Variants in TMTC1 observed in about 807,000 individuals in gnomAD.
TMTC1 encodes the protein transmembrane O-mannosyltransferase targeting cadherins 1, also known as protein O-mannosyl-transferase TMTC1.
In TMTC1, 73 loss-of-function variants were observed where a neutral mutation model predicts 104.8. That is an observed-to-expected ratio of 0.70 (90% CI 0.58 to 0.85). TMTC1 has a LOEUF of 0.85. Among genes scored for constraint, TMTC1 ranks in the 40% least tolerant of loss-of-function variants. The pLI, the probability that TMTC1 is intolerant of heterozygous loss-of-function variation, is 0.00. For missense variants in TMTC1, 1,035 were observed against 1,096.1 expected (o/e 0.94, Z 0.79); for synonymous variants, 434 against 428.7 (o/e 1.01, Z -0.15).
At chr12:29,586,564 C>T (rs1343037922) in intron 7 of TMTC1, among the ~76,000 whole-genome samples, 4 of 151,944 alleles carry the variant, frequency 2.6e-5, no homozygotes, top group Non-Finnish European at 5.9e-5. Flanking sequence ...ATGATATTGG[C>T]GTGGGTTTGT....
intron 5 of TMTC1, among the ~76,000 whole-genome samples, chr12:29,644,951 C>T (rs1477565973): frequency 6.6e-6 from 1 of 152,178 alleles, no homozygotes; most frequent in Non-Finnish European, 1.5e-5. Flanking sequence ...TCATCCCTCC[C>T]CAGGCCAGGT....
chr12:29,735,393 G>C (rs748333870), intron 5 of TMTC1, among the ~76,000 whole-genome samples: 2 of 152,164 alleles, frequency 1.3e-5, no homozygotes, highest in Non-Finnish European at 2.9e-5. Flanking sequence ...ATGCAGATAA[G>C]AATGGCACCA....
chr12:29,604,286 T>A lies in TMTC1; in HGVS notation c.1142A>T (p.Lys381Met). ...CLAAFKRLEH[K>M]EVLVGLLFLV... The stretch of plus-strand genomic sequence containing the variant: ...GAACAACAAGCCGACTAAAACCTCC[T>A]TGTGCTCCAGTCTCTGAAACACACA... The change falls in exon 7 of 18, where the codon AAG becomes ATG. Residue 381 changes from lysine to methionine, a missense_variant. Lys to Met is a moderately conservative substitution (Grantham distance 95). Coordinates refer to ENST00000539277, the MANE Select transcript of TMTC1 (RefSeq NM_001193451.2). 6.2e-7 allele frequency: 1 copy of A among 1,614,048 alleles called. No individual in the cohort carries two copies. The highest frequency in any genetic ancestry group is 8.5e-7 in the Non-Finnish European group (1 of 1,179,888).
chr12:29,603,999 C>T (rs572777510), intron 7 of TMTC1, among the ~76,000 whole-genome samples, 179 bp downstream of exon 7: 29 of 152,286 alleles, frequency 1.9e-4, no homozygotes, highest in South Asian at 4.1e-4. Flanking sequence ...AACAAGAGTA[C>T]ATGTGTGGAC....
At chr12:29,750,953 G>A (rs1943075816) in intron 5 of TMTC1, among the ~76,000 whole-genome samples, 1 of 152,202 alleles carries the variant, frequency 6.6e-6, no homozygotes, top group South Asian at 2.1e-4. Context: ...CCCACACCCT[G>A]TCCCAGCAGG....
Position 29,751,878 on chromosome 12 carries a change from G to T in TMTC1, c.732-6C>A. The T allele has an allele frequency of 1.3e-6, 2 of 1,548,838 alleles. No homozygotes were observed. Among genetic ancestry groups the T allele is most frequent in the Non-Finnish European group, 1.7e-6 (2 of 1,146,546 alleles). ...GACAGAGGGCCCCATTGCTCCTGTT[G>T]TGCATGGAATTGAGGGAAAACAAAG... On this transcript the variant is annotated splice_polypyrimidine_tract_variant and splice_region_variant and intron_variant, in intron 4 of 17. Transcript: ENST00000539277.
chr12:29,783,524 G>A lies in TMTC1; in HGVS notation c.228C>T (p.Asn76=), dbSNP rs1476017089. ...GAPLRWGIFT[N]DFWGKGMAEN... ...CGGCCATGCCCTTGCCCCAGAAGTC[G>A]TTGGTGAAGATGCCCCAGCGGAGCG... is the stretch of plus-strand genomic sequence containing the variant. Residue 76 remains asparagine, a synonymous_variant, in exon 1 of 18, where the codon AAC becomes AAT. Transcript: ENST00000539277. The surrounding 1 kb of genome is among the most constrained non-coding windows in gnomAD (Gnocchi z 4.7). 4.1e-6 allele frequency: 6 copies of A among 1,456,232 alleles called. No individual in the cohort carries two copies. In the Admixed American group the frequency reaches 9.3e-5, roughly 23 times the overall value. 90.2% of individuals were successfully genotyped at this position (1,456,232 alleles called of 1,614,324 possible). A position where few individuals can be genotyped will look rare whatever the true frequency, so the allele number is the denominator to read the frequency against.
At chr12:29,749,828 C>T (rs190068444) in intron 5 of TMTC1, among the ~76,000 whole-genome samples, 2 of 152,060 alleles carry the variant, frequency 1.3e-5, no homozygotes, top group African/African-American at 4.8e-5. Context: ...CTCTCCCCAT[C>T]ATCACAAACA....
intron 4 of TMTC1, among the ~76,000 whole-genome samples, chr12:29,754,131 C>T (rs1943157802): frequency 6.7e-6 from 1 of 149,902 alleles, no homozygotes; most frequent in Non-Finnish European, 1.5e-5. Context: ...TCCCAAAGTG[C>T]TGGGATTACA....
chr12:29,650,061 A>G (rs1939442426), intron 5 of TMTC1, among the ~76,000 whole-genome samples: 3 of 151,710 alleles, frequency 2.0e-5, no homozygotes, highest in Admixed American at 2.0e-4. Context: ...CTTCTTACTT[A>G]ACTTTCTCTT....
intron 5 of TMTC1, among the ~76,000 whole-genome samples, chr12:29,716,225 T>C (rs997831476): frequency 2.0e-5 from 3 of 152,004 alleles, no homozygotes; most frequent in Non-Finnish European, 2.9e-5. Context: ...TATTGCTATG[T>C]TTCCCAGGCT....
rs570787716 is a variant in TMTC1 at position 29,639,444 on chromosome 12, T to C, written c.939-6108A>G. On this transcript the variant is annotated intron_variant, in intron 5 of 17. Transcript: ENST00000539277. ...GGATTAGACATGTATAATATAAAAATGATAAAAATTACTACCAGTAGAAAG... is the reference window on the plus strand; with the variant it reads ...GGATTAGACATGTATAATATAAAAACGATAAAAATTACTACCAGTAGAAAG... Among the ~76,000 whole-genome samples the C allele has an allele frequency of 5.5e-4, 83 of 152,272 alleles. 2 individuals carry two copies. In the South Asian group the frequency reaches 0.017, roughly 31 times the overall value.
At chr12:29,744,987 G>A (rs1417600125) in intron 5 of TMTC1, among the ~76,000 whole-genome samples, 1 of 151,998 alleles carries the variant, frequency 6.6e-6, no homozygotes, top group African/African-American at 2.4e-5. Context: ...GTGCAGTGGT[G>A]TGATCATGGC....
chr12:29,664,893 A>G (rs149758763), intron 5 of TMTC1, among the ~76,000 whole-genome samples: 2 of 152,330 alleles, frequency 1.3e-5, no homozygotes, highest in African/African-American at 4.8e-5. Flanking sequence ...AGAACATGTC[A>G]ACAACAAAAC....
chr12:29,779,183 C>T (rs1207032226), intron 1 of TMTC1, among the ~76,000 whole-genome samples: 1 of 152,220 alleles, frequency 6.6e-6, no homozygotes, highest in East Asian at 1.9e-4. Flanking sequence ...TGTTCACCAA[C>T]ATTTCTGTGA....
At chr12:29,624,138 C>G (rs973869889) in intron 6 of TMTC1, among the ~76,000 whole-genome samples, 3 of 152,032 alleles carry the variant, frequency 2.0e-5, no homozygotes, top group Admixed American at 6.6e-5. Context: ...CACCATCACG[C>G]CCAGCTACTT....
At chr12:29,730,244 A>C (rs897960753) in intron 5 of TMTC1, among the ~76,000 whole-genome samples, 10 of 152,232 alleles carry the variant, frequency 6.6e-5, no homozygotes, top group Admixed American at 6.5e-4. Flanking sequence ...TGACAGATCA[A>C]ACCACTGCGT....
chr12:29,525,797 A>G (rs976127956), intron 11 of TMTC1, among the ~76,000 whole-genome samples: 43 of 152,220 alleles, frequency 2.8e-4, no homozygotes, highest in African/African-American at 9.9e-4. Flanking sequence ...ATACTTTTGA[A>G]TAAGACAATC....
At chr12:29,687,821 T>TG (rs1183078531) in intron 5 of TMTC1, among the ~76,000 whole-genome samples, 1 of 152,182 alleles carries the variant, frequency 6.6e-6, no homozygotes, top group Non-Finnish European at 1.5e-5. Flanking sequence ...CTTTCATGCA[T>TG]GCACATGTGT....
Sources: gnomAD v4.1 joint callset for allele counts (sites outside exome capture counted in the v4.1 genomes callset) on GRCh38, gnomAD v4.1.1 for gene constraint, Gnocchi (gnomAD v3.1) non-coding constraint, MANE v1.5 for transcripts, NCBI Gene and HGNC (gene_info 2026-07-23, HGNC 2026-07-21) for gene names.